RNF220: variants seen among roughly 807,000 people sequenced by gnomAD.
RNF220 encodes ring finger protein 220.
RNF220 carries 7 observed loss-of-function variants against 67.1 expected under a neutral mutation model. The observed-to-expected ratio is 0.10, with a 90% confidence interval of 0.06 to 0.20. The LOEUF is 0.20. Ranked by LOEUF, RNF220 falls within the 10% of genes least tolerant of loss-of-function variation. The pLI is 1.00. For synonymous variants in RNF220, 270 were observed against 283.2 expected (o/e 0.95, Z 0.47); for missense variants, 565 against 740.3 (o/e 0.76, Z 2.75).
intron 12 of RNF220, among the ~76,000 whole-genome samples, chr1:44,647,384 T>A (rs772935850): frequency 6.6e-6 from 1 of 152,174 alleles, no homozygotes; most frequent in African/African-American, 2.4e-5. Context: ...ATGGCACATA[T>A]GGCATTGTGC....
intron 2 of RNF220, among the ~76,000 whole-genome samples, chr1:44,533,908 A>G (rs1661013937): frequency 6.6e-6 from 1 of 152,236 alleles, no homozygotes. Context: ...ACATAGAGGT[A>G]GGGCCTAGGA....
chr1:44,425,598 A>G (rs1649683267), intron 2 of RNF220, among the ~76,000 whole-genome samples: 1 of 152,220 alleles, frequency 6.6e-6, no homozygotes. Flanking sequence ...CAGCACAGTC[A>G]GAAGCTCTGG....
intron 2 of RNF220, among the ~76,000 whole-genome samples, chr1:44,554,792 T>G (rs1324755953): frequency 6.6e-6 from 1 of 152,118 alleles, no homozygotes; most frequent in Non-Finnish European, 1.5e-5. Flanking sequence ...CAGCTCACCT[T>G]CACCACCCAC....
rs1657737387 is a variant in RNF220 at position 44,500,466 on chromosome 1, C to T, written c.625+87744C>T. Among the ~76,000 whole-genome samples the T allele has an allele frequency of 2.0e-5, 3 of 152,294 alleles. No homozygotes were observed. In the South Asian group the frequency reaches 6.2e-4, roughly 32 times the overall value. The stretch of plus-strand genomic sequence containing the variant: ...GTCTTGCTCTCTTTTTCTGGGTGGA[C>T]TTGTGTCTGAAATATGTATTGATTT... On this transcript the variant is annotated intron_variant, in intron 2 of 14. Coordinates refer to ENST00000361799, the MANE Select transcript of RNF220 (RefSeq NM_018150.4).
intron 2 of RNF220, among the ~76,000 whole-genome samples, chr1:44,595,221 G>C (rs1044174814): frequency 6.6e-6 from 1 of 152,210 alleles, no homozygotes; most frequent in African/African-American, 2.4e-5. Context: ...AGGAAGGCCC[G>C]AGGTAGGGGT....
chr1:44,522,854 T>A (rs1023016471), intron 2 of RNF220, among the ~76,000 whole-genome samples: 2 of 152,164 alleles, frequency 1.3e-5, no homozygotes, highest in Admixed American at 6.5e-5. Flanking sequence ...CTAATGGTAG[T>A]TAGAGCAAGT....
chr1:44,509,349 A>C (rs1448558798), intron 2 of RNF220, among the ~76,000 whole-genome samples: 1 of 151,762 alleles, frequency 6.6e-6, no homozygotes, highest in Non-Finnish European at 1.5e-5. Context: ...AGGAGATCAA[A>C]ACCATCCTGG....
intron 2 of RNF220, among the ~76,000 whole-genome samples, chr1:44,510,229 A>C (rs1658871003): frequency 6.7e-6 from 1 of 148,254 alleles, no homozygotes; most frequent in Admixed American, 6.8e-5. Context: ...ACAGAGTGAG[A>C]CCCTGAAAAA....
chr1:44,506,070 C>T (rs1658389084), intron 2 of RNF220, among the ~76,000 whole-genome samples: 1 of 152,204 alleles, frequency 6.6e-6, no homozygotes. Context: ...CAAGACAAAA[C>T]AAAAAGATAA....
intron 2 of RNF220, among the ~76,000 whole-genome samples, chr1:44,503,333 C>CAAAAAA (rs34103792): frequency 2.4e-4 from 20 of 84,430 alleles, no homozygotes; most frequent in Admixed American, 2.9e-4. Flanking sequence ...GATGCTGTCT[C>CAAAAAA]AAAAAAAAAA....
chr1:44,533,793 A>T (rs910775854), intron 2 of RNF220, among the ~76,000 whole-genome samples: 23 of 152,242 alleles, frequency 1.5e-4, no homozygotes, highest in African/African-American at 5.3e-4. Context: ...ACTGGAAAAA[A>T]GTGGATAAGC....
chr1:44,645,196 G>C lies in RNF220; in HGVS notation c.1311-25G>C. Reference sequence around the variant, plus strand: ...CCTGCCCGCCTTCAGGCCTCACTTTGTTTTTCCTCCCTCCTTTCCTCCAGT... The same window carrying C: ...CCTGCCCGCCTTCAGGCCTCACTTTCTTTTTCCTCCCTCCTTTCCTCCAGT... On this transcript the variant is annotated intron_variant, in intron 10 of 14. Coordinates refer to ENST00000361799, the MANE Select transcript of RNF220 (RefSeq NM_018150.4). This position sits in a 1 kb window ranked among gnomAD's most constrained non-coding sequence, Gnocchi z 5.0. 1.2e-6 allele frequency: 2 copies of C among 1,614,106 alleles called. No homozygotes were observed. The highest frequency in any genetic ancestry group is 1.7e-6 in the Non-Finnish European group (2 of 1,180,004).
At chr1:44,631,645 C>T (rs74554154) in intron 5 of RNF220, 3,360 of 153,158 alleles carry the variant, frequency 0.022, 46 homozygotes, top group Non-Finnish European at 0.034. Flanking sequence ...AATTCGGACG[C>T]CTTGTCCCCT....
chr1:44,492,588 A>G lies in RNF220; in HGVS notation c.625+79866A>G, dbSNP rs79053530. On this transcript the variant is annotated intron_variant, in intron 2 of 14. Coordinates refer to ENST00000361799, the MANE Select transcript of RNF220 (RefSeq NM_018150.4). Reference sequence around the variant, plus strand: ...ACAATGGAATATTTTTAGCCATAAAAGGAATAAAATACTGTTACATGCTAT... The same window carrying G: ...ACAATGGAATATTTTTAGCCATAAAGGGAATAAAATACTGTTACATGCTAT... Among the ~76,000 whole-genome samples the G allele has an allele frequency of 2.5e-3, 385 of 152,378 alleles. 7 individuals are homozygous for G. The East Asian group carries it at 0.041, about 16-fold the overall frequency.
intron 6 of RNF220, chr1:44,635,224 C>G (rs1644290470): frequency 1.7e-5 from 5 of 297,982 alleles, no homozygotes; most frequent in Admixed American, 9.0e-5. Context: ...GGAGAGATAC[C>G]TAGCAACATG....
chr1:44,520,126 TGTGAGA>T (rs1377187704), intron 2 of RNF220, among the ~76,000 whole-genome samples: 70 of 132,896 alleles, frequency 5.3e-4, no homozygotes, highest in South Asian at 2.0e-3. Flanking sequence ...TGTGTGTGTG[TGTGAGA>T]GAGAGAGAGA....
chr1:44,556,201 A>G (rs1364644518), intron 2 of RNF220, among the ~76,000 whole-genome samples: 2 of 149,144 alleles, frequency 1.3e-5, no homozygotes, highest in African/African-American at 5.1e-5. Flanking sequence ...CACCTGGCTA[A>G]TTTTTGTTTT....
At chr1:44,487,202 G>A (rs1656384797) in intron 2 of RNF220, among the ~76,000 whole-genome samples, 1 of 151,834 alleles carries the variant, frequency 6.6e-6, no homozygotes, top group African/African-American at 2.4e-5. Flanking sequence ...AGGCATGGTG[G>A]TGCATGCCTG....
At chr1:44,488,714 C>CT (rs1284474844) in intron 2 of RNF220, among the ~76,000 whole-genome samples, 4 of 143,220 alleles carry the variant, frequency 2.8e-5, no homozygotes, top group African/African-American at 1.0e-4. Context: ...TAGCCTTTTT[C>CT]TTTTTCTTTT....
Sources: gnomAD v4.1 joint callset for allele counts (sites outside exome capture counted in the v4.1 genomes callset) on GRCh38, gnomAD v4.1.1 for gene constraint, Gnocchi (gnomAD v3.1) non-coding constraint, MANE v1.5 for transcripts, NCBI Gene and HGNC (gene_info 2026-07-23, HGNC 2026-07-21) for gene names.